Variants in ADD2 observed in about 807,000 individuals in gnomAD.
ADD2 encodes the protein beta-adducin.
A neutral mutation model predicts 83.0 loss-of-function variants in ADD2; 23 were observed. That is an observed-to-expected ratio of 0.28 (90% confidence interval 0.20 to 0.39). The LOEUF (loss-of-function observed/expected upper bound fraction) is 0.39. ADD2 is among the 10% of genes least tolerant of loss of function. The pLI is 1.00. For missense variants in ADD2, 758 were observed against 944.9 expected, an observed-to-expected ratio of 0.80 and a Z score of 2.59; for synonymous variants, 375 against 375.4, an observed-to-expected ratio of 1.00 and a Z score of 0.01.
intron 15 of ADD2, among the ~76,000 whole-genome samples, chr2:70,668,043 T>G (rs1669726252): frequency 6.6e-6 from 1 of 152,130 alleles, no homozygotes; most frequent in South Asian, 2.1e-4. Context: ...GGGCAAATTC[T>G]CTCTGTTCTT....
intron 1 of ADD2, among the ~76,000 whole-genome samples, chr2:70,757,405 A>G (rs1674850430): frequency 6.6e-6 from 1 of 152,098 alleles, no homozygotes; most frequent in Admixed American, 6.6e-5. Flanking sequence ...GGGACAGGAG[A>G]CGAATAAAGA....
intron 9 of ADD2, among the ~76,000 whole-genome samples, chr2:70,684,068 TC>T (rs1670598547): frequency 2.0e-5 from 3 of 152,178 alleles, no homozygotes. Context: ...TGTGATTGTA[TC>T]TGGGGAGGGA....
chr2:70,761,839 T>A (rs1675121750), intron 1 of ADD2, among the ~76,000 whole-genome samples: 1 of 151,048 alleles, frequency 6.6e-6, no homozygotes, highest in African/African-American at 2.5e-5. Context: ...GCCTGGCTAA[T>A]TTTTTGTATT....
chr2:70,693,997 TAGGACACTTA>T, intron 6 of ADD2, among the ~76,000 whole-genome samples: 2 of 152,012 alleles, frequency 1.3e-5, no homozygotes, highest in Middle Eastern at 3.4e-3. Flanking sequence ...AGCCCAATGC[TAGGACACTTA>T]GTGAGTGGAG....
At position 70,656,896 on chromosome 2, in the gene ADD2, C is replaced by T. The variant is rs1225514052; in HGVS notation, c.*6529G>A. 1 of 152,054 alleles carries T rather than the reference C, an allele frequency of 6.6e-6. No homozygotes were observed. The allele number at this position is 152,054 out of a possible 1,614,324, so 9.4% of individuals were successfully genotyped here. ...CCACCGCAGCATCACCGTCAGACAC[C>T]AAAGCAGCAGGAGGGCTCAGGAAGT... is the stretch of plus-strand genomic sequence containing the variant. On this transcript the variant is annotated 3_prime_UTR_variant, in exon 16 of 16. Coordinates refer to ENST00000264436, the MANE Select transcript of ADD2 (RefSeq NM_001617.4).
intron 1 of ADD2, among the ~76,000 whole-genome samples, chr2:70,745,376 T>A (rs1674135463): frequency 6.6e-6 from 1 of 152,200 alleles, no homozygotes; most frequent in Non-Finnish European, 1.5e-5. Context: ...TTTTTGTTTC[T>A]TATTCCCACA....
At chr2:70,754,904 C>A (rs1674694472) in intron 1 of ADD2, among the ~76,000 whole-genome samples, 1 of 152,142 alleles carries the variant, frequency 6.6e-6, no homozygotes, top group Admixed American at 6.5e-5. Flanking sequence ...TTATCTATCT[C>A]CAACTCTACT....
chr2:70,663,553 C>G lies in ADD2; in HGVS notation c.2053G>C (p.Glu685Gln), dbSNP rs782759183. The G allele has an allele frequency of 1.2e-6, 2 of 1,613,990 alleles. No individual in the cohort carries two copies. Among genetic ancestry groups the G allele is most frequent in the African/African-American group, 2.7e-5 (2 of 74,896 alleles). ...TDVDTSKDKT[E>Q]SVTSGPMSPE... ...GACATGGGGCCGCTGGTGACCGACT[C>G]GGTTTTGTCCTTAGAGGTATCAACA... The change falls in exon 16 of 16, where the codon GAG (glutamate) becomes CAG (glutamine). Residue 685 changes from glutamate (E) to glutamine (Q), a missense_variant. By Grantham distance (29) the Glu-to-Gln change is conservative (BLOSUM62 2). This residue lies in a region of ADD2 where 165 missense variants were observed against 176.2 expected (regional missense o/e 0.94). Transcript: ENST00000264436.
intron 1 of ADD2, among the ~76,000 whole-genome samples, chr2:70,733,977 T>G (rs1225700792): frequency 6.6e-6 from 1 of 152,178 alleles, no homozygotes; most frequent in African/African-American, 2.4e-5. Flanking sequence ...CAGTCCGTTC[T>G]TAGCTCTAGA....
chr2:70,686,251 T>C lies in ADD2; in HGVS notation c.948+1773A>G, dbSNP rs1574241362. On this transcript the variant is annotated intron_variant, in intron 9 of 15. Coordinates refer to ENST00000264436, the MANE Select transcript of ADD2 (RefSeq NM_001617.4). ...TTTTTTCTTCCACATCTTCCAGCTC[T>C]ATTCCCGTCTCTAGAAGCCTCTCTG... is the stretch of plus-strand genomic sequence containing the variant. Among the ~76,000 whole-genome samples the C allele has an allele frequency of 2.6e-5, 4 of 152,306 alleles. No individual in the cohort carries two copies. The South Asian group carries it at 6.2e-4, about 24-fold the overall frequency.
chr2:70,686,086 A>G (rs899863356), intron 9 of ADD2, among the ~76,000 whole-genome samples: 7 of 152,204 alleles, frequency 4.6e-5, no homozygotes, highest in Non-Finnish European at 5.9e-5. Context: ...CTTGGCCCAC[A>G]ATGGAAACAG....
At chr2:70,726,720 C>T (rs1267518141) in intron 1 of ADD2, among the ~76,000 whole-genome samples, 2 of 152,170 alleles carry the variant, frequency 1.3e-5, no homozygotes, top group African/African-American at 2.4e-5. Flanking sequence ...TAATGTAGCC[C>T]GTGCTCTTCT....
chr2:70,664,991 A>ACACACCTGTGTG (rs1675717623), intron 15 of ADD2, among the ~76,000 whole-genome samples: 2 of 145,698 alleles, frequency 1.4e-5, no homozygotes, highest in Middle Eastern at 3.5e-3. Context: ...TGTGCGAGTG[A>ACACACCTGTGTG]GTGTGTGACA....
At chr2:70,666,679 C>G (rs782048501) in intron 15 of ADD2, among the ~76,000 whole-genome samples, 30 of 152,238 alleles carry the variant, frequency 2.0e-4, no homozygotes, top group Admixed American at 6.5e-5. Flanking sequence ...CCTCCTTCAA[C>G]CATGCCCCTC....
At chr2:70,673,816 C>G (rs11903686) in intron 14 of ADD2, among the ~76,000 whole-genome samples, 79 of 152,106 alleles carry the variant, frequency 5.2e-4, no homozygotes, top group Non-Finnish European at 9.3e-4. Flanking sequence ...AGACTGGTCT[C>G]GAACTGCTGA....
chr2:70,738,461 C>G (rs1024743146), intron 1 of ADD2, among the ~76,000 whole-genome samples: 1 of 152,176 alleles, frequency 6.6e-6, no homozygotes, highest in African/African-American at 2.4e-5. Context: ...GAAAGCTAAT[C>G]AGCTGAAAGA....
chr2:70,765,224 G>A (rs890230070), intron 1 of ADD2, among the ~76,000 whole-genome samples: 6 of 152,098 alleles, frequency 3.9e-5, no homozygotes, highest in Middle Eastern at 3.2e-3. Context: ...GTGGTGACAC[G>A]CACCTGTAGT....
At chr2:70,674,864 G>A (rs782415271) in intron 13 of ADD2, 39 bp from the exon 14 acceptor site, 11 of 1,593,884 alleles carry the variant, frequency 6.9e-6, no homozygotes, top group South Asian at 4.6e-5. Context: ...CTCTCTGAAC[G>A]CCGCAGTTGG....
At chr2:70,739,524 A>G (rs1673766440) in intron 1 of ADD2, among the ~76,000 whole-genome samples, 2 of 152,242 alleles carry the variant, frequency 1.3e-5, no homozygotes, top group African/African-American at 4.8e-5. Flanking sequence ...CAGCAATCTT[A>G]TTACTGTTAT....
Sources: allele counts gnomAD v4.1 joint callset (sites outside exome capture counted in the v4.1 genomes callset), GRCh38; gene constraint gnomAD v4.1.1; regional missense constraint gnomAD v4.1.1; transcripts MANE v1.5; gene names NCBI Gene and HGNC (gene_info 2026-07-23, HGNC 2026-07-21).